Variants in RNASEH1 observed in about 807,000 individuals in gnomAD.
The protein encoded by RNASEH1 is ribonuclease H type II.
In RNASEH1, 27 loss-of-function variants were observed where a neutral mutation model predicts 34.6. The ratio of observed to expected loss-of-function variants is 0.78; its 90% confidence interval spans 0.58 to 1.08. The LOEUF (loss-of-function observed/expected upper bound fraction) is 1.08, where lower values mean the gene tolerates loss of function less well. Among genes scored for constraint, RNASEH1 ranks in the 50% least tolerant of loss-of-function variants. RNASEH1 has a pLI of 0.00. For synonymous variants in RNASEH1, 162 were observed against 138.4 expected (o/e 1.17, Z -1.20); for missense variants, 349 against 373.6 (o/e 0.93, Z 0.54).
chr2:3,550,868 C>G (rs543530358), intron 3 of RNASEH1, among the ~76,000 whole-genome samples: 2 of 152,356 alleles, frequency 1.3e-5, no homozygotes, highest in South Asian at 4.1e-4. Context: ...GGTGACCCTG[C>G]CTGCCAGAGG....
chr2:3,542,680 A>G lies in RNASEH1; in HGVS notation c.*3105T>C, dbSNP rs1392096643. On this transcript the variant is annotated 3_prime_UTR_variant, in exon 8 of 8. Transcript: ENST00000315212. ...GTATTTTTTTTAAATGCTAAATGCTAAAGAGGAATAAAACAAGTGAGTGAT... is the reference window on the plus strand; with the variant it reads ...GTATTTTTTTTAAATGCTAAATGCTGAAGAGGAATAAAACAAGTGAGTGAT... 6.6e-6 allele frequency among the ~76,000 whole-genome samples: 1 copy of G among 152,160 alleles called. No individual in the cohort carries two copies. The highest frequency in any genetic ancestry group is 1.5e-5 in the Non-Finnish European group (1 of 68,026).
chr2:3,544,357 T>A lies in RNASEH1; in HGVS notation c.*1428A>T, dbSNP rs1250758302. ...CCATGACCACGTGGTCAGCAAAATC[T>A]ACACTGTGGGAAGCCATGGGACAAA... On this transcript the variant is annotated 3_prime_UTR_variant, in exon 8 of 8. Transcript: ENST00000315212. Among the ~76,000 whole-genome samples, 2 of 152,060 alleles carry A rather than the reference T, an allele frequency of 1.3e-5. No homozygotes were observed. Among genetic ancestry groups the A allele is most frequent in the Admixed American group, 6.5e-5 (1 of 15,268 alleles).
intron 2 of RNASEH1, among the ~76,000 whole-genome samples, chr2:3,553,330 T>TTGCAACAAAGTTTTTCTTC (rs1394516833): frequency 3.3e-5 from 5 of 152,128 alleles, no homozygotes; most frequent in Admixed American, 6.5e-5. Flanking sequence ...AGCTTTTCTT[T>TTGCAACAAAGTTTTTCTTC]TGCAACAAAG....
chr2:3,545,956 C>T (rs1668710199), intron 7 of RNASEH1, 85 bp from the exon 8 acceptor site: 4 of 942,988 alleles, frequency 4.2e-6, no homozygotes, highest in Non-Finnish European at 6.9e-6. Context: ...AAAAACCATT[C>T]AGAACAGACT....
chr2:3,548,670 G>A lies in RNASEH1; in HGVS notation c.619C>T (p.Leu207=), dbSNP rs1480752138. The A allele has an allele frequency of 1.2e-6, 2 of 1,611,140 alleles. No individual in the cohort carries two copies. The highest frequency in any genetic ancestry group is 2.7e-5 in the African/African-American group (2 of 74,904). The change falls in exon 6 of 8, where the codon CTG becomes TTG. Residue 207 remains leucine (L), a synonymous_variant. Coordinates refer to ENST00000315212, the MANE Select transcript of RNASEH1 (RefSeq NM_002936.6). ...AKTQNINKLV[L]YTDSMFTING... is the part of the protein sequence containing the mutation. ...ATCGTAAACATACTGTCTGTATACA[G>A]AACCAGTTTATTGATGTTTTGAGTC...
chr2:3,534,261 G>A, the RNASEH1 span: 1 of 152,288 alleles, frequency 6.6e-6, no homozygotes, highest in African/African-American at 2.4e-5. Flanking sequence ...GGGACCTGCA[G>A]AACAGTGGGT....
At chr2:3,556,045 G>A (rs368797679) in intron 2 of RNASEH1, among the ~76,000 whole-genome samples, 4 of 152,054 alleles carry the variant, frequency 2.6e-5, no homozygotes, top group Admixed American at 1.3e-4. Context: ...GTGGTGGCAC[G>A]CACCTGTAAT....
rs1668343838 is a variant in RNASEH1, at chr2:3,541,986, C to G, written c.*3799G>C. The stretch of plus-strand genomic sequence containing the variant: ...TGGGCAACACAGTGAGACACTGTTC[C>G]TATTTTAAATAACAAAACAAAACAA... On this transcript the variant is annotated 3_prime_UTR_variant, in exon 8 of 8. Coordinates refer to ENST00000315212, the MANE Select transcript of RNASEH1 (RefSeq NM_002936.6). Among the ~76,000 whole-genome samples, 1 of 152,042 alleles carries G rather than the reference C, an allele frequency of 6.6e-6. No homozygotes were observed. Among genetic ancestry groups the G allele is most frequent in the South Asian group, 2.1e-4 (1 of 4,826 alleles).
rs758454680 is a variant in RNASEH1 at position 3,558,277 on chromosome 2, C to G, written c.-17G>C. 6 of 1,546,766 alleles carry G rather than the reference C, an allele frequency of 3.9e-6. No homozygotes were observed. In the African/African-American group the frequency reaches 7.0e-5, roughly 18 times the overall value. On this transcript the variant is annotated 5_prime_UTR_variant, in exon 1 of 8. Coordinates refer to ENST00000315212, the MANE Select transcript of RNASEH1 (RefSeq NM_002936.6). The stretch of plus-strand genomic sequence containing the variant: ...CCAGCTCATCGCTCACTCCCGGCAC[C>G]GGGAAGCATTTCGACTCCCGGCCCA...
At chr2:3,557,735 T>A in intron 1 of RNASEH1, 1 of 617,050 alleles carries the variant, frequency 1.6e-6, no homozygotes, top group Non-Finnish European at 2.7e-6. Flanking sequence ...TTGCCTTTTT[T>A]AAAAGGGAAG....
rs544318667 is a variant in RNASEH1 at position 3,543,314 on chromosome 2, G to A, written c.*2471C>T. On this transcript the variant is annotated 3_prime_UTR_variant, in exon 8 of 8. Transcript: ENST00000315212. The stretch of plus-strand genomic sequence containing the variant: ...TGGTCCTGAGTGCTACCCAGCTGAA[G>A]AAACTATTTTCTGCTCAATTAAACT... Among the ~76,000 whole-genome samples the A allele has an allele frequency of 1.3e-5, 2 of 152,300 alleles. No homozygotes were observed. The highest frequency in any genetic ancestry group is 2.4e-5 in the African/African-American group (1 of 41,560).
Position 3,547,944 on chromosome 2 carries a change from A to G in RNASEH1, c.761T>C (p.Met254Thr). Reference protein sequence around the residue: ...FVALERLTQGMDIQWMHVPGH... With the variant: ...FVALERLTQGTDIQWMHVPGH... ...TAAGATACTCACCCACTGAATGTCC[A>G]TCCCCTGGGTAAGCCTCTCCAGTGC... The change falls in exon 7 of 8, where the codon ATG becomes ACG. Residue 254 changes from methionine to threonine, a missense_variant. Physicochemically the swap from Met to Thr is moderately conservative, Grantham distance 81. Around this residue, in one of 2 missense-constraint regions of RNASEH1, gnomAD observed 93 missense variants for 132.9 expected, o/e 0.70. Transcript: ENST00000315212. 6.2e-7 allele frequency: 1 copy of G among 1,613,954 alleles called. No homozygotes were observed. Among genetic ancestry groups the G allele is most frequent in the Non-Finnish European group, 8.5e-7 (1 of 1,179,856 alleles).
the RNASEH1 span, chr2:3,532,457 A>G: frequency 1.5e-6 from 1 of 674,000 alleles, no homozygotes; most frequent in Non-Finnish European, 2.7e-6. Context: ...TCAGCCTCGC[A>G]TCCCTTGACT....
At position 3,544,563 on chromosome 2, in the gene RNASEH1, GAGA is replaced by G. The variant is rs1338881176; in HGVS notation, c.*1219_*1221del. Among the ~76,000 whole-genome samples the G allele has an allele frequency of 4.6e-5, 7 of 152,196 alleles. No individual in the cohort carries two copies. Among genetic ancestry groups the G allele is most frequent in the Admixed American group, 6.5e-5 (1 of 15,282 alleles). On this transcript the variant is annotated 3_prime_UTR_variant, in exon 8 of 8. Transcript: ENST00000315212. ...GATTACTTGTTGGGGCAAGGAGGGGGAGAAGAAGAGGGCTGTGGCTGGAGGGGC... is the reference window on the plus strand; with the variant it reads ...GATTACTTGTTGGGGCAAGGAGGGGGAGAAGAGGGCTGTGGCTGGAGGGGC...
chr2:3,554,364 G>C (rs191531971), intron 2 of RNASEH1, among the ~76,000 whole-genome samples: 5 of 151,302 alleles, frequency 3.3e-5, no homozygotes, highest in Admixed American at 6.6e-5. Flanking sequence ...GAACAGATAA[G>C]ACTTGGAGGA....
At chr2:3,538,183 T>C (rs1205884175), downstream of RNASEH1, among the ~76,000 whole-genome samples, 1 of 151,416 alleles carries the variant, frequency 6.6e-6, no homozygotes, top group African/African-American at 2.4e-5. Flanking sequence ...ACCCTGCCTC[T>C]ACTAAAAATA....
rs1668509493 is a variant in RNASEH1, at chr2:3,543,847, C to A, written c.*1938G>T. 6.6e-6 allele frequency among the ~76,000 whole-genome samples: 1 copy of A among 152,180 alleles called. No individual in the cohort carries two copies. Among genetic ancestry groups the A allele is most frequent in the South Asian group, 2.1e-4 (1 of 4,822 alleles). ...CAGACTAGTCTCAAACTCCTGGGTT[C>A]ATGTGATCCTCCAGCCTCAGCCTCC... On this transcript the variant is annotated 3_prime_UTR_variant, in exon 8 of 8. Coordinates refer to ENST00000315212, the MANE Select transcript of RNASEH1 (RefSeq NM_002936.6).
At chr2:3,538,119 C>T (rs2103261117), downstream of RNASEH1, among the ~76,000 whole-genome samples, 1 of 151,878 alleles carries the variant, frequency 6.6e-6, no homozygotes, top group South Asian at 2.1e-4. Flanking sequence ...GAGGCCGAGG[C>T]GGGTGGATCA....
intron 2 of RNASEH1, among the ~76,000 whole-genome samples, chr2:3,553,327 C>A (rs67359993): frequency 0.12 from 18,216 of 151,998 alleles, 1,222 homozygotes; most frequent in Middle Eastern, 0.18. Context: ...TGCAGCTTTT[C>A]TTTTGCAACA....
Sources: gnomAD v4.1 joint callset for allele counts (sites outside exome capture counted in the v4.1 genomes callset) on GRCh38, gnomAD v4.1.1 for gene constraint, gnomAD v4.1.1 regional missense constraint, MANE v1.5 for transcripts, NCBI Gene and HGNC (gene_info 2026-07-23, HGNC 2026-07-21) for gene names.